The following MAST2 variants were observed in gnomAD, a reference collection of about 807,000 sequenced individuals.
MAST2 encodes microtubule associated serine/threonine kinase 2.
MAST2 carries 70 observed loss-of-function variants against 147.4 expected under a neutral mutation model. The observed-to-expected ratio is 0.47, with a 90% CI of 0.39 to 0.58. MAST2 has a LOEUF of 0.58. MAST2 is among the 20% of genes least tolerant of loss of function. The pLI, the probability that MAST2 is intolerant of heterozygous loss-of-function variation, is 0.00. For synonymous variants in MAST2, 869 were observed against 896.8 expected (o/e 0.97, Z 0.55); for missense variants, 2,080 against 2,302.3 (o/e 0.90, Z 1.98).
At chr1:46,005,118 T>C (rs1645431733) in intron 7 of MAST2, among the ~76,000 whole-genome samples, 1 of 152,140 alleles carries the variant, frequency 6.6e-6, no homozygotes, top group African/African-American at 2.4e-5. Flanking sequence ...ATCCCAGCAC[T>C]TTGGGAGGCC....
intron 1 of MAST2, among the ~76,000 whole-genome samples, chr1:45,805,633 A>G (rs1644120203): frequency 1.3e-5 from 2 of 152,298 alleles, no homozygotes; most frequent in East Asian, 3.9e-4. Context: ...GGTAGAGTTC[A>G]AGATTACTTG....
chr1:45,953,405 C>T (rs894001890), intron 4 of MAST2, among the ~76,000 whole-genome samples: 2 of 152,154 alleles, frequency 1.3e-5, no homozygotes, highest in African/African-American at 4.8e-5. Context: ...TGTCGAAAAC[C>T]TCCTATGCCC....
At chr1:45,833,436 A>G (rs1441625513) in intron 3 of MAST2, among the ~76,000 whole-genome samples, 2 of 152,164 alleles carry the variant, frequency 1.3e-5, no homozygotes, top group Non-Finnish European at 2.9e-5. Context: ...ATCTGTTGTT[A>G]ACAGTGGGTT....
intron 4 of MAST2, among the ~76,000 whole-genome samples, chr1:45,915,715 A>AC (rs1437439898): frequency 2.0e-5 from 3 of 151,704 alleles, no homozygotes; most frequent in Admixed American, 6.6e-5. Context: ...GTCTCAAAAA[A>AC]AAAAAAAAAG....
At chr1:45,964,599 TTC>T in intron 5 of MAST2, among the ~76,000 whole-genome samples, 1 of 152,320 alleles carries the variant, frequency 6.6e-6, no homozygotes, top group Middle Eastern at 3.4e-3. Flanking sequence ...TATTTGATTC[TTC>T]TCTCTTTTCT....
rs1660880315 is a variant in MAST2 at position 45,964,450 on chromosome 1, GGTAT to G, written c.592+4976_592+4979del. Reference sequence around the variant, plus strand: ...TCCTCCTGGTTTAGTCTTGGGAGGGGGTATGTGTCGAGGAATTTATCCATTTCTT... The same window carrying G: ...TCCTCCTGGTTTAGTCTTGGGAGGGGGTGTCGAGGAATTTATCCATTTCTT... On this transcript the variant is annotated intron_variant, in intron 5 of 28. Coordinates refer to ENST00000361297, the MANE Select transcript of MAST2 (RefSeq NM_015112.3). 1.3e-5 allele frequency among the ~76,000 whole-genome samples: 2 copies of G among 151,984 alleles called. 1 individual carries two copies. Among genetic ancestry groups the G allele is most frequent in the South Asian group, 4.2e-4 (2 of 4,810 alleles).
intron 7 of MAST2, among the ~76,000 whole-genome samples, chr1:46,003,376 T>C (rs1645352149): frequency 6.6e-6 from 1 of 152,220 alleles, no homozygotes; most frequent in African/African-American, 2.4e-5. Context: ...TGGACCTGTC[T>C]CTAAAACGTT....
chr1:46,013,978 G>T (rs1035143480), intron 10 of MAST2, among the ~76,000 whole-genome samples: 1 of 151,558 alleles, frequency 6.6e-6, no homozygotes, highest in African/African-American at 2.4e-5. Context: ...CATTTACTGT[G>T]TTTTTTTTCC....
At chr1:45,814,717 T>G (rs1274334428) in intron 1 of MAST2, among the ~76,000 whole-genome samples, 1 of 151,914 alleles carries the variant, frequency 6.6e-6, no homozygotes, top group Non-Finnish European at 1.5e-5. Flanking sequence ...AACCCGGGAG[T>G]TGGAGGTTGC....
intron 9 of MAST2, among the ~76,000 whole-genome samples, chr1:46,008,761 T>A (rs1416009565): frequency 6.6e-6 from 1 of 152,230 alleles, no homozygotes; most frequent in Non-Finnish European, 1.5e-5. Context: ...ATTTGCCCTC[T>A]GGTGGCATAT....
intron 3 of MAST2, among the ~76,000 whole-genome samples, chr1:45,852,032 C>T (rs1188527626): frequency 6.6e-6 from 1 of 151,928 alleles, no homozygotes; most frequent in African/African-American, 2.4e-5. Context: ...ACTATGAACC[C>T]TTCACCCAGC....
At chr1:45,824,941 C>T (rs1277692914) in intron 2 of MAST2, among the ~76,000 whole-genome samples, 2 of 152,228 alleles carry the variant, frequency 1.3e-5, no homozygotes, top group Non-Finnish European at 2.9e-5. Context: ...AAAGAAAAGA[C>T]TTAAAAAATT....
In MAST2 at chr1:46,010,774, C is replaced by T. The variant is rs1281213183; in HGVS notation, c.1023C>T (p.Ser341=). 6.2e-7 allele frequency: 1 copy of T among 1,614,082 alleles called. No homozygotes were observed. The part of the protein sequence containing the change: ...MEERLAEFIS[S]NTPDSVLPLA... Reference sequence around the variant, plus strand: ...AGCGACTAGCAGAGTTTATTTCCTCCAACACTCCAGACAGCGTGCTGCCCT... The same window carrying T: ...AGCGACTAGCAGAGTTTATTTCCTCTAACACTCCAGACAGCGTGCTGCCCT... The change falls in exon 10 of 29, where the codon TCC becomes TCT. Residue 341 remains serine, a synonymous_variant. Transcript: ENST00000361297.
Position 45,991,122 on chromosome 1 carries a change from TC to T in MAST2, c.593-6600del, listed in dbSNP as rs144149213. Among the ~76,000 whole-genome samples, 1,088 of 152,334 alleles carry T rather than the reference TC, an allele frequency of 7.1e-3. 16 individuals are homozygous for T. The highest frequency in any genetic ancestry group is 0.025 in the African/African-American group (1,027 of 41,576). On this transcript the variant is annotated intron_variant, in intron 5 of 28. Coordinates refer to ENST00000361297, the MANE Select transcript of MAST2 (RefSeq NM_015112.3). ...TTTTTGCATATGAACATTCAGTTGTTCCAGCACCATTCGTCAATGAGAATAT... is the reference window on the plus strand; with the variant it reads ...TTTTTGCATATGAACATTCAGTTGTTCAGCACCATTCGTCAATGAGAATAT...
intron 5 of MAST2, among the ~76,000 whole-genome samples, chr1:45,976,863 A>T (rs575354276): frequency 6.9e-4 from 105 of 152,350 alleles, no homozygotes; most frequent in African/African-American, 2.5e-3. Flanking sequence ...GATACCCTTA[A>T]CTTAGATAAG....
intron 3 of MAST2, among the ~76,000 whole-genome samples, chr1:45,858,189 C>T (rs1465369352): frequency 6.6e-6 from 1 of 152,186 alleles, no homozygotes; most frequent in Non-Finnish European, 1.5e-5. Flanking sequence ...AATTGCCACA[C>T]TGTCTTCCAC....
chr1:45,887,535 A>G (rs1647148938), intron 4 of MAST2, among the ~76,000 whole-genome samples: 1 of 152,176 alleles, frequency 6.6e-6, no homozygotes, highest in Admixed American at 6.5e-5. Context: ...CTGCAGTGAT[A>G]GGCACTGCAT....
intron 3 of MAST2, among the ~76,000 whole-genome samples, chr1:45,859,330 C>T (rs12145287): frequency 2.0e-5 from 3 of 151,954 alleles, no homozygotes. Flanking sequence ...AAACTCCTGG[C>T]CTCAAGTGAT....
At position 46,035,500 on chromosome 1, in the gene MAST2, A is replaced by G. The variant is rs1388334982; in HGVS notation, c.4831A>G (p.Ile1611Val). ...AGGTCAGTCTGGAGCCACAGACCCCATCCCTCCTGAAGGTTGCTGGAAGGC... is the reference window on the plus strand; with the variant it reads ...AGGTCAGTCTGGAGCCACAGACCCCGTCCCTCCTGAAGGTTGCTGGAAGGC... ...NLGQSGATDPIPPEGCWKAQH... is the reference protein window; with the variant it reads ...NLGQSGATDPVPPEGCWKAQH... Residue 1611 changes from isoleucine (I) to valine (V), a missense_variant, in exon 29 of 29, where the codon ATC becomes GTC. Physicochemically the swap from Ile to Val is conservative, Grantham distance 29. This residue lies in a region of MAST2 where 1,278 missense variants were observed against 1,304.2 expected (regional missense o/e 0.98). Transcript: ENST00000361297. This position sits in a 1 kb window ranked among gnomAD's most constrained non-coding sequence, Gnocchi z 5.5. 2 of 1,612,948 alleles carry G rather than the reference A, an allele frequency of 1.2e-6. No homozygotes were observed. The highest frequency in any genetic ancestry group is 1.3e-5 in the African/African-American group (1 of 74,784).
Sources: gnomAD v4.1 joint callset for allele counts (sites outside exome capture counted in the v4.1 genomes callset) on GRCh38, gnomAD v4.1.1 for gene constraint, gnomAD v4.1.1 regional missense constraint, Gnocchi (gnomAD v3.1) non-coding constraint, MANE v1.5 for transcripts, NCBI Gene and HGNC (gene_info 2026-07-23, HGNC 2026-07-21) for gene names.